The following CYB5R1 variants were observed in gnomAD, a reference collection of about 807,000 sequenced individuals.
CYB5R1 encodes the protein cytochrome b5 reductase 1, also known as NADH-cytochrome b5 reductase 1.
In CYB5R1, 32 loss-of-function variants were observed where a neutral mutation model predicts 37.4. The observed-to-expected ratio is 0.86, with a 90% CI of 0.65 to 1.15. CYB5R1 has a LOEUF of 1.15. Ranked by LOEUF, CYB5R1 falls within the 50% of genes most tolerant of loss-of-function variation. The pLI, the probability that CYB5R1 is intolerant of heterozygous loss-of-function variation, is 0.00. For missense variants in CYB5R1, 345 were observed against 382.5 expected, an observed-to-expected ratio of 0.90 and a Z score of 0.82; for synonymous variants, 159 against 155.2, an observed-to-expected ratio of 1.02 and a Z score of -0.18.
Position 202,966,126 on chromosome 1 carries a change from A to T in CYB5R1, c.239-133T>A, listed in dbSNP as rs994039183. Reference sequence around the variant, plus strand: ...CCCAAGGAGCTACAAGGCAGGGAAGATTTGCCCCATTGAGCCCTCAGTTGG... The same window carrying T: ...CCCAAGGAGCTACAAGGCAGGGAAGTTTTGCCCCATTGAGCCCTCAGTTGG... On this transcript the variant is annotated intron_variant, in intron 3 of 8. Transcript: ENST00000367249. 6.0e-6 allele frequency: 4 copies of T among 669,034 alleles called. No individual in the cohort carries two copies. In the African/African-American group the frequency reaches 7.2e-5, roughly 12 times the overall value. The allele number at this position is 669,034 out of a possible 1,614,324, so 41.4% of individuals were successfully genotyped here. A position where few individuals can be genotyped will look rare whatever the true frequency, so the allele number is the denominator to read the frequency against.
chr1:202,964,865 T>C, intron 5 of CYB5R1, 170 bp from the exon 6 acceptor site: 1 of 626,292 alleles, frequency 1.6e-6, no homozygotes, highest in Non-Finnish European at 2.9e-6. Context: ...AATAATATAG[T>C]TGAGGGACAA....
Position 202,966,883 on chromosome 1 carries a change from C to T in CYB5R1, c.31G>A (p.Ala11Thr), listed in dbSNP as rs772142739. The T allele has an allele frequency of 3.7e-6, 6 of 1,611,116 alleles. 1 individual carries two copies. The highest frequency in any genetic ancestry group is 3.4e-6 in the Non-Finnish European group (4 of 1,178,768). MGIQTSPVLLASLGVGLVTLL... is the reference protein window; with the variant it reads MGIQTSPVLLTSLGVGLVTLL... ...GTGACCAGCCCCACCCCCAGGGAGG[C>T]CAGCAGGACGGGGCTCTGTGGGTAG... The change falls in exon 2 of 9, where the codon GCC (alanine) becomes ACC (threonine). Residue 11 changes from alanine (A) to threonine (T), a missense_variant. By Grantham distance (58) the Ala-to-Thr change is moderately conservative (BLOSUM62 0). Coordinates refer to ENST00000367249, the MANE Select transcript of CYB5R1 (RefSeq NM_016243.3).
intron 6 of CYB5R1, 107 bp downstream of exon 6, chr1:202,964,505 G>T: frequency 1.1e-6 from 1 of 904,128 alleles, no homozygotes; most frequent in Non-Finnish European, 1.9e-6. Context: ...GAAATCCCCT[G>T]ATGAACAACA....
chr1:202,962,630 T>G lies in CYB5R1; in HGVS notation c.815A>C (p.Asp272Ala), dbSNP rs1359599778. 9 of 1,614,056 alleles carry G rather than the reference T, an allele frequency of 5.6e-6. No individual in the cohort carries two copies. The highest frequency in any genetic ancestry group is 7.6e-6 in the Non-Finnish European group (9 of 1,180,050). Residue 272 changes from aspartate to alanine, a missense_variant, in exon 9 of 9, where the codon GAT becomes GCT. Coordinates refer to ENST00000367249, the MANE Select transcript of CYB5R1 (RefSeq NM_016243.3). ...TGGCCCACAAAGCAGTACCAGCACA[T>G]CATCCCCTGGAGCGGGCAGGTGTTC... ...IREHLPAPGDDVLVLLCGPPP... is the reference protein window; with the variant it reads ...IREHLPAPGDAVLVLLCGPPP...
chr1:202,967,062 C>G (rs1655112893), intron 1 of CYB5R1, 129 bp downstream of exon 1: 1 of 1,435,286 alleles, frequency 7.0e-7, no homozygotes, highest in Admixed American at 2.1e-5. Context: ...GATCGGGACC[C>G]CAGCATCCAC....
intron 2 of CYB5R1, 22 bp from the exon 3 acceptor site, chr1:202,966,622 T>G: frequency 6.2e-7 from 1 of 1,614,076 alleles, no homozygotes; most frequent in Admixed American, 1.7e-5. Flanking sequence ...AGGACACAAG[T>G]GTTTCACCAA....
At chr1:202,963,360 T>G (rs982216546) in intron 7 of CYB5R1, 195 bp from the exon 8 acceptor site, 6 of 598,744 alleles carry the variant, frequency 1.0e-5, no homozygotes, top group South Asian at 8.3e-5. Context: ...CTACACATTA[T>G]GAAGGAACAA....
chr1:202,963,420 T>C, intron 7 of CYB5R1: 3 of 594,132 alleles, frequency 5.0e-6, no homozygotes, highest in East Asian at 5.6e-5. Context: ...CCAGACTAGA[T>C]ACCTTAAAAG....
At chr1:202,965,633 CTTTCTTT>C in intron 4 of CYB5R1, 133 bp from the exon 5 acceptor site, 1 of 805,634 alleles carries the variant, frequency 1.2e-6, no homozygotes. Flanking sequence ...TACTTTCTTT[CTTTCTTT>C]TTTTTTTTTG....
Position 202,963,742 on chromosome 1 carries a change from C to T in CYB5R1, c.560-15G>A, listed in dbSNP as rs1436465574. The T allele has an allele frequency of 1.3e-6, 2 of 1,587,508 alleles. No homozygotes were observed. The highest frequency in any genetic ancestry group is 2.7e-5 in the African/African-American group (2 of 73,994). The stretch of plus-strand genomic sequence containing the variant: ...TGGGGTGATTCCTGCATGAAGATAC[C>T]CCACAGTGAAATGTAGTGGCCACAC... On this transcript the variant is annotated splice_polypyrimidine_tract_variant and intron_variant, in intron 6 of 8. Transcript: ENST00000367249.
intron 5 of CYB5R1, chr1:202,965,017 G>A (rs1655058470): frequency 8.9e-6 from 4 of 448,084 alleles, no homozygotes; most frequent in Non-Finnish European, 1.6e-5. Flanking sequence ...GCAGCTCCAG[G>A]GACTTGCTAA....
At chr1:202,965,812 G>A in intron 4 of CYB5R1, 75 bp downstream of exon 4, 1 of 1,114,890 alleles carries the variant, frequency 9.0e-7, no homozygotes, top group Non-Finnish European at 1.4e-6. Flanking sequence ...CCTGCTGTCA[G>A]GCAAATCTTA....
intron 8 of CYB5R1, 91 bp downstream of exon 8, chr1:202,962,975 T>A: frequency 8.1e-7 from 1 of 1,240,820 alleles, no homozygotes; most frequent in Non-Finnish European, 1.2e-6. Context: ...TGAGGCAAGG[T>A]TGATTTCAAT....
chr1:202,963,071 G>T lies in CYB5R1; in HGVS notation c.740C>A (p.Pro247Gln). The change falls in exon 8 of 9, where the codon CCA (proline) becomes CAA (glutamine). Residue 247 changes from proline (P) to glutamine (Q), a missense_variant. By Grantham distance (76) the Pro-to-Gln change is moderately conservative. Coordinates refer to ENST00000367249, the MANE Select transcript of CYB5R1 (RefSeq NM_016243.3). Reference sequence around the variant, plus strand: ...TCCAGAAATGGGAAGGATACCTTTTGGGGGATGATCCAGAGTGAACCAGAG... The same window carrying T: ...TCCAGAAATGGGAAGGATACCTTTTTGGGGATGATCCAGAGTGAACCAGAG... ...FKLWFTLDHP[P>Q]KDWAYSKGFV... 1 of 1,613,416 alleles carries T rather than the reference G, an allele frequency of 6.2e-7. No homozygotes were observed. Among genetic ancestry groups the T allele is most frequent in the Non-Finnish European group, 8.5e-7 (1 of 1,179,318 alleles).
chr1:202,966,251 G>C, intron 3 of CYB5R1: 1 of 594,288 alleles, frequency 1.7e-6, no homozygotes, highest in South Asian at 2.0e-5. Context: ...TCTGGGCAAT[G>C]GGAAAAAGTT....
rs1264764434 is a variant in CYB5R1, at chr1:202,963,133, T to C, written c.678A>G (p.Leu226=). 1 of 1,614,198 alleles carries C rather than the reference T, an allele frequency of 6.2e-7. No individual in the cohort carries two copies. Among genetic ancestry groups the C allele is most frequent in the Non-Finnish European group, 8.5e-7 (1 of 1,180,018 alleles). ...TEKDIILRED[L]EELQARYPNR... ...TGGGATAGCGGGCCTGCAGTTCCTC[T>C]AAGTCCTCCCGCAAGATGATATCCT... The change falls in exon 8 of 9, where the codon TTA becomes TTG. Residue 226 remains leucine, a synonymous_variant. Transcript: ENST00000367249.
chr1:202,966,736 T>G lies in CYB5R1; in HGVS notation c.165+13A>C. Reference sequence around the variant, plus strand: ...TCCCCTCCTTCACCCTGGCCCTTTCTTCCCCAACTTACCGTCTTGTCTAGC... The same window carrying G: ...TCCCCTCCTTCACCCTGGCCCTTTCGTCCCCAACTTACCGTCTTGTCTAGC... On this transcript the variant is annotated intron_variant, in intron 2 of 8. Coordinates refer to ENST00000367249, the MANE Select transcript of CYB5R1 (RefSeq NM_016243.3). 1 of 1,613,620 alleles carries G rather than the reference T, an allele frequency of 6.2e-7. No homozygotes were observed. Among genetic ancestry groups the G allele is most frequent in the Non-Finnish European group, 8.5e-7 (1 of 1,179,652 alleles).
intron 5 of CYB5R1, 114 bp downstream of exon 5, chr1:202,965,257 G>A: frequency 8.0e-7 from 1 of 1,245,512 alleles, no homozygotes; most frequent in South Asian, 1.8e-5. Context: ...TAGAAGGAAG[G>A]GCGGCCCTGG....
intron 5 of CYB5R1, chr1:202,965,059 A>G: frequency 2.4e-6 from 1 of 408,638 alleles, no homozygotes; most frequent in Non-Finnish European, 4.4e-6. Flanking sequence ...GAAGGGCTGA[A>G]AGCTATCTCT....
Sources: gnomAD v4.1 joint callset for allele counts on GRCh38, gnomAD v4.1.1 for gene constraint, MANE v1.5 for transcripts, NCBI Gene and HGNC (gene_info 2026-07-23, HGNC 2026-07-21) for gene names.